Variants in MYO1C observed in about 807,000 individuals in gnomAD.
The protein encoded by MYO1C is unconventional myosin-Ic.
A neutral mutation model predicts 150.8 loss-of-function variants in MYO1C; 104 were observed. That is an observed-to-expected ratio of 0.69 (90% confidence interval 0.59 to 0.81). The LOEUF is 0.81. Ranked by LOEUF, MYO1C falls within the 30% of genes least tolerant of loss-of-function variation. MYO1C has a pLI of 0.00. For missense variants in MYO1C, 1,504 were observed against 1,435.0 expected (o/e 1.05, Z -0.78); for synonymous variants, 663 against 579.9 (o/e 1.14, Z -2.06).
chr17:1,467,884 T>G lies in MYO1C; in HGVS notation c.2923A>C (p.Ser975Arg). 6.2e-7 allele frequency: 1 copy of G among 1,605,664 alleles called. No individual in the cohort carries two copies. The highest frequency in any genetic ancestry group is 8.5e-7 in the Non-Finnish European group (1 of 1,176,260). The change falls in exon 29 of 32, where the codon AGT becomes CGT. Residue 975 changes from serine to arginine, a missense_variant. Ser to Arg is a moderately radical substitution (Grantham distance 110, BLOSUM62 -1). Coordinates refer to ENST00000648651, the MANE Select transcript of MYO1C (RefSeq NM_001080779.2). Reference protein sequence around the residue: ...TGISVSSLSDSLFVLHVQRAD... With the variant: ...TGISVSSLSDRLFVLHVQRAD... The stretch of plus-strand genomic sequence containing the variant: ...CGCTGTACATGAAGCACAAAAAGAC[T>G]GTCGCTCAGGCTGCTGACAGAGATT...
rs760867119 is a variant in MYO1C, at chr17:1,472,230, T to C, written c.1798-2A>G. 2.0e-5 allele frequency: 32 copies of C among 1,613,796 alleles called. No individual in the cohort carries two copies. The highest frequency in any genetic ancestry group is 2.7e-5 in the Non-Finnish European group (32 of 1,179,932). On this transcript the variant is annotated splice_acceptor_variant, in intron 17 of 31. Transcript: ENST00000648651. LOFTEE classifies it high-confidence loss of function. ...GCTCATCTTGAACTGGGTGGCGACC[T>C]GGCGAGCCAAGAGGCATGGGAGGTT...
At chr17:1,467,005 G>A (rs900556919) in intron 31 of MYO1C, among the ~76,000 whole-genome samples, 8 of 152,070 alleles carry the variant, frequency 5.3e-5, no homozygotes, top group African/African-American at 7.2e-5. Context: ...TGATCCACCC[G>A]CCTCAGCCTC....
Position 1,467,348 on chromosome 17 carries a change from G to A in MYO1C, c.3066-7C>T, listed in dbSNP as rs1201543861. The A allele has an allele frequency of 1.2e-6, 2 of 1,610,682 alleles. No homozygotes were observed. The highest frequency in any genetic ancestry group is 1.7e-6 in the Non-Finnish European group (2 of 1,178,570). ...GCCCCCTGCAAACGTGATGCTGGGGGAACGGGGTGGGTGAGGGTTTTTCCA... is the reference window on the plus strand; with the variant it reads ...GCCCCCTGCAAACGTGATGCTGGGGAAACGGGGTGGGTGAGGGTTTTTCCA... On this transcript the variant is annotated splice_region_variant and splice_polypyrimidine_tract_variant and intron_variant, in intron 30 of 31. Coordinates refer to ENST00000648651, the MANE Select transcript of MYO1C (RefSeq NM_001080779.2).
chr17:1,478,323 A>C lies in MYO1C; in HGVS notation c.1295+87T>G. On this transcript the variant is annotated intron_variant, in intron 11 of 31. Coordinates refer to ENST00000648651, the MANE Select transcript of MYO1C (RefSeq NM_001080779.2). This position sits in a 1 kb window ranked among gnomAD's most constrained non-coding sequence, Gnocchi z 6.3. The stretch of plus-strand genomic sequence containing the variant: ...ACAGTCCCCGGCTGGCTGGGGAGTC[A>C]CAGGGCAGGAATGAGAGGCTGGAGG... 6.3e-7 allele frequency: 1 copy of C among 1,580,488 alleles called. No homozygotes were observed. The highest frequency in any genetic ancestry group is 8.7e-7 in the Non-Finnish European group (1 of 1,149,748).
At position 1,470,499 on chromosome 17, in the gene MYO1C, A is replaced by T. The variant is rs1399098046; in HGVS notation, c.2302T>A (p.Trp768Arg). 18 of 1,552,046 alleles carry T rather than the reference A, an allele frequency of 1.2e-5. No homozygotes were observed. Among genetic ancestry groups the T allele is most frequent in the Non-Finnish European group, 1.6e-5 (18 of 1,147,554 alleles). The change falls in exon 23 of 32, where the codon TGG becomes AGG. Residue 768 changes from tryptophan (W) to arginine (R), a missense_variant. Coordinates refer to ENST00000648651, the MANE Select transcript of MYO1C (RefSeq NM_001080779.2). ...TTCCTCCGGCCCAGTGTTCCACGCC[A>T]CCACGACTGGATGCAGATGGCTGTC... ...KRSAICIQSW[W>R]RGTLGRRKAA...
rs1266111737 is a variant in MYO1C, at chr17:1,471,307, G to A, written c.2051C>T (p.Pro684Leu). Residue 684 changes from proline to leucine, a missense_variant, in exon 20 of 32, where the codon CCC becomes CTC. By Grantham distance (98) the Pro-to-Leu change is moderately conservative (BLOSUM62 -3). Coordinates refer to ENST00000648651, the MANE Select transcript of MYO1C (RefSeq NM_001080779.2). Reference sequence around the variant, plus strand: ...ATCCTGCGGCCGTCCTGCCCACGTGGGCCACGTCTCTGGGCACAGTGACTT... The same window carrying A: ...ATCCTGCGGCCGTCCTGCCCACGTGAGCCACGTCTCTGGGCACAGTGACTT... ...RYKSLCPETW[P>L]TWAGRPQDGV... 5 of 1,613,778 alleles carry A rather than the reference G, an allele frequency of 3.1e-6. No homozygotes were observed. The highest frequency in any genetic ancestry group is 1.7e-5 in the Admixed American group (1 of 59,990).
At chr17:1,470,921 G>T in intron 21 of MYO1C, 150 bp downstream of exon 21, 1 of 997,812 alleles carries the variant, frequency 1.0e-6, no homozygotes, top group Non-Finnish European at 1.5e-6. Context: ...GTCGGCCATT[G>T]GACTCTCTGG....
At chr17:1,488,613 G>A (rs1238258321) in intron 1 of MYO1C, among the ~76,000 whole-genome samples, 1 of 152,218 alleles carries the variant, frequency 6.6e-6, no homozygotes, top group Non-Finnish European at 1.5e-5. Context: ...CCCGGGCACT[G>A]GAACACCTTA....
At chr17:1,481,153 C>T (rs1279948484) in intron 5 of MYO1C, 9 of 505,014 alleles carry the variant, frequency 1.8e-5, no homozygotes, top group Non-Finnish European at 2.9e-5. Flanking sequence ...AAGCTCAACA[C>T]CGGACCTTCT....
intron 17 of MYO1C, among the ~76,000 whole-genome samples, chr17:1,473,589 T>C (rs2150943345): frequency 6.6e-6 from 1 of 152,170 alleles, no homozygotes; most frequent in African/African-American, 2.4e-5. Context: ...GACCTCACTC[T>C]TCTGGGGCTC....
At chr17:1,467,416 C>A in intron 30 of MYO1C, 64 bp downstream of exon 30, 1 of 1,596,142 alleles carries the variant, frequency 6.3e-7, no homozygotes. Flanking sequence ...CCACCCTGTC[C>A]CTGGGTGCCC....
At chr17:1,471,821 C>G in intron 19 of MYO1C, 86 bp downstream of exon 19, 1 of 1,419,034 alleles carries the variant, frequency 7.0e-7, no homozygotes, top group Non-Finnish European at 9.9e-7. Flanking sequence ...AAAATGGGGC[C>G]GAGAACCCTT....
chr17:1,473,640 G>T (rs914257391), intron 17 of MYO1C, among the ~76,000 whole-genome samples: 2 of 152,026 alleles, frequency 1.3e-5, no homozygotes, highest in African/African-American at 4.8e-5. Flanking sequence ...CCGTACCTCC[G>T]CCTTCAGCTC....
At position 1,492,604 on chromosome 17, in the gene MYO1C, G is replaced by C. The variant is rs74829228; in HGVS notation, c.-117C>G. On this transcript the variant is annotated 5_prime_UTR_variant, in exon 1 of 32. Coordinates refer to ENST00000648651, the MANE Select transcript of MYO1C (RefSeq NM_001080779.2). ...GAACCTACGGTCTAACGCCGGGATG[G>C]CCACTTGGTTCTGCTTCAACTGCAG... 0.017 allele frequency: 15,629 copies of C among 941,550 alleles called. 637 individuals are homozygous for C. The highest frequency in any genetic ancestry group is 0.12 in the Admixed American group (6,115 of 49,902). The allele number at this position is 941,550 out of a possible 1,614,324, so 58.3% of individuals were successfully genotyped here. A position where few individuals can be genotyped will look rare whatever the true frequency, so the allele number is the denominator to read the frequency against.
chr17:1,469,433 G>T, intron 25 of MYO1C, 98 bp downstream of exon 25: 1 of 1,165,616 alleles, frequency 8.6e-7, no homozygotes. Flanking sequence ...AAATACGGTA[G>T]ACCGGGGTAA....
At chr17:1,487,747 C>T (rs1209639873) in intron 1 of MYO1C, among the ~76,000 whole-genome samples, 1 of 152,198 alleles carries the variant, frequency 6.6e-6, no homozygotes, top group Non-Finnish European at 1.5e-5. Context: ...GCGAAACCCC[C>T]TCTCTGCTAG....
In MYO1C at chr17:1,474,919, A is replaced by G. The variant is rs2074373948; in HGVS notation, c.1669+19T>C. The G allele has an allele frequency of 1.9e-6, 3 of 1,609,736 alleles. No homozygotes were observed. Among genetic ancestry groups the G allele is most frequent in the African/African-American group, 2.7e-5 (2 of 74,824 alleles). On this transcript the variant is annotated intron_variant, in intron 15 of 31. Transcript: ENST00000648651. ...CCTCCCCGCAGGCCCCTGTGGGGAC[A>G]CAGCCCCAGGATCCTCACCGGTCAC...
intron 1 of MYO1C, among the ~76,000 whole-genome samples, chr17:1,488,315 C>T (rs1271820198): frequency 1.3e-5 from 2 of 152,194 alleles, no homozygotes; most frequent in Non-Finnish European, 2.9e-5. Context: ...GCGTCTCCGC[C>T]GCTCGCGGGC....
intron 29 of MYO1C, 37 bp downstream of exon 29, chr17:1,467,803 C>A: frequency 2.8e-6 from 3 of 1,063,636 alleles, no homozygotes; most frequent in East Asian, 2.6e-5. Context: ...CTACCTCCCC[C>A]ATCCCCCACC....
Sources: allele counts gnomAD v4.1 joint callset (sites outside exome capture counted in the v4.1 genomes callset), GRCh38; gene constraint gnomAD v4.1.1; non-coding constraint Gnocchi (gnomAD v3.1); transcripts MANE v1.5; gene names NCBI Gene and HGNC (gene_info 2026-07-23, HGNC 2026-07-21).